The following OLFM3 variants were observed in gnomAD, a reference collection of about 807,000 sequenced individuals.
The protein encoded by OLFM3 is olfactomedin 3.
In OLFM3, 20 loss-of-function variants were observed where a neutral mutation model predicts 48.6. The ratio of observed to expected loss-of-function variants is 0.41; its 90% CI spans 0.29 to 0.60. The LOEUF is 0.60. Ranked by LOEUF, OLFM3 falls within the 20% of genes least tolerant of loss-of-function variation. The probability of loss-of-function intolerance (pLI) is 0.28; values close to 1 mark genes in which losing one functional copy is unlikely to be tolerated. For missense variants in OLFM3, 437 were observed against 544.3 expected (o/e 0.80, Z 1.96); for synonymous variants, 222 against 198.1 (o/e 1.12, Z -1.01).
chr1:101,808,394 G>T (rs966233573), intron 4 of OLFM3, among the ~76,000 whole-genome samples: 1 of 151,722 alleles, frequency 6.6e-6, no homozygotes, highest in East Asian at 1.9e-4. Context: ...ATGCATTTGT[G>T]TCTATGCAGA....
chr1:101,896,782 C>T (rs1034479431), intron 1 of OLFM3, among the ~76,000 whole-genome samples: 3 of 149,494 alleles, frequency 2.0e-5, no homozygotes, highest in Admixed American at 6.7e-5. Context: ...TTAACCCATA[C>T]AATATTTCCA....
At chr1:101,901,531 CAG>C (rs1410586384) in intron 1 of OLFM3, among the ~76,000 whole-genome samples, 2 of 151,956 alleles carry the variant, frequency 1.3e-5, no homozygotes, top group East Asian at 3.9e-4. Context: ...TTCAAGATGA[CAG>C]GGGACACTGT....
rs1297805089 is a variant in OLFM3 at position 101,915,376 on chromosome 1, C to G, written c.70-78351G>C. 4.6e-5 allele frequency among the ~76,000 whole-genome samples: 7 copies of G among 151,444 alleles called. No individual in the cohort carries two copies. The East Asian group carries it at 1.2e-3, about 25-fold the overall frequency. On this transcript the variant is annotated intron_variant, in intron 1 of 5. Transcript: ENST00000370103. ...GGATTTAATCTGTTAAAAAAAAAAG[C>G]ATGTTTAAAACAAGTAAAGGGCACC... is the stretch of plus-strand genomic sequence containing the variant.
intron 1 of OLFM3, chr1:101,837,885 CT>C (rs1163679191): frequency 6.6e-6 from 1 of 152,118 alleles, no homozygotes; most frequent in Non-Finnish European, 1.5e-5. Context: ...TTATTCAGCC[CT>C]TGTGATTTCT....
chr1:101,884,506 A>AC (rs989703875), intron 1 of OLFM3, among the ~76,000 whole-genome samples: 40 of 152,072 alleles, frequency 2.6e-4, no homozygotes, highest in Non-Finnish European at 5.4e-4. Flanking sequence ...AAACAAACAA[A>AC]AAAAAACAGA....
intron 1 of OLFM3, among the ~76,000 whole-genome samples, chr1:101,938,071 T>C (rs925719296): frequency 6.6e-6 from 1 of 152,212 alleles, no homozygotes. Flanking sequence ...TTGTGAGATA[T>C]AGCAAATTTA....
At chr1:101,895,282 T>C (rs755461485) in intron 1 of OLFM3, among the ~76,000 whole-genome samples, 7 of 152,028 alleles carry the variant, frequency 4.6e-5, no homozygotes, top group African/African-American at 7.2e-5. Context: ...TCTACTAGAA[T>C]CCCAAACCTC....
intron 1 of OLFM3, among the ~76,000 whole-genome samples, chr1:101,909,060 C>T (rs1301859767): frequency 3.3e-5 from 5 of 152,186 alleles, no homozygotes; most frequent in Admixed American, 3.3e-4. Flanking sequence ...CTTCACTTTG[C>T]TTACCTTCTT....
intron 1 of OLFM3, among the ~76,000 whole-genome samples, chr1:101,885,966 G>C (rs1172817261): frequency 1.3e-5 from 2 of 152,102 alleles, no homozygotes; most frequent in African/African-American, 4.8e-5. Context: ...CAAGGGTCCA[G>C]TGTACATGTA....
intron 1 of OLFM3, among the ~76,000 whole-genome samples, chr1:101,863,586 A>G (rs1194318730): frequency 2.0e-5 from 3 of 152,184 alleles, no homozygotes; most frequent in Non-Finnish European, 2.9e-5. Context: ...GAAACATTGT[A>G]GGTTTGTGTG....
intron 1 of OLFM3, chr1:101,910,047 A>G: frequency 1.0e-6 from 1 of 983,098 alleles, no homozygotes; most frequent in Non-Finnish European, 1.2e-6. Flanking sequence ...TTTCCCCTCC[A>G]TTCTCCTCCT....
At chr1:101,920,319 G>C (rs1659055130) in intron 1 of OLFM3, among the ~76,000 whole-genome samples, 1 of 152,076 alleles carries the variant, frequency 6.6e-6, no homozygotes, top group African/African-American at 2.4e-5. Context: ...CTGGTTTTCT[G>C]TTACCTACCT....
At chr1:101,955,921 C>T (rs913594237) in intron 1 of OLFM3, among the ~76,000 whole-genome samples, 1 of 151,726 alleles carries the variant, frequency 6.6e-6, no homozygotes, top group East Asian at 1.9e-4. Context: ...TTCTTGTATT[C>T]TTTACCTCAG....
chr1:101,900,975 T>C (rs1658369155), intron 1 of OLFM3, among the ~76,000 whole-genome samples: 1 of 152,142 alleles, frequency 6.6e-6, no homozygotes, highest in South Asian at 2.1e-4. Flanking sequence ...TATGATATTT[T>C]TGGATTCTCT....
At chr1:101,885,999 A>G (rs1657742249) in intron 1 of OLFM3, among the ~76,000 whole-genome samples, 1 of 152,146 alleles carries the variant, frequency 6.6e-6, no homozygotes, top group African/African-American at 2.4e-5. Flanking sequence ...ACAAAGGAAG[A>G]AGTGTGTAAA....
intron 1 of OLFM3, among the ~76,000 whole-genome samples, chr1:101,944,839 C>T (rs1659904803): frequency 6.6e-6 from 1 of 150,748 alleles, no homozygotes; most frequent in Non-Finnish European, 1.5e-5. Flanking sequence ...AAGATTGCCC[C>T]ACTGCACTCC....
rs56176512 is a variant in OLFM3 at position 101,950,973 on chromosome 1, T to C, written c.69+45775A>G. On this transcript the variant is annotated intron_variant, in intron 1 of 5. Transcript: ENST00000370103. ...CGATGTCCCAGTTTCTCTATTTGCC[T>C]AGCAAAAAAAGAAAGAAAATCTAAC... Among the ~76,000 whole-genome samples the C allele has an allele frequency of 9.6e-3, 1,466 of 152,246 alleles. 7 individuals carry two copies. The highest frequency in any genetic ancestry group is 0.022 in the South Asian group (108 of 4,828).
intron 1 of OLFM3, among the ~76,000 whole-genome samples, chr1:101,909,288 T>G (rs901707369): frequency 6.6e-6 from 1 of 152,228 alleles, no homozygotes; most frequent in African/African-American, 2.4e-5. Flanking sequence ...CCTGAATTCC[T>G]CAAGACATTC....
At chr1:101,986,309 C>G (rs1162680795) in intron 1 of OLFM3, among the ~76,000 whole-genome samples, 2 of 152,124 alleles carry the variant, frequency 1.3e-5, no homozygotes, top group East Asian at 3.9e-4. Context: ...TCAGGATGAC[C>G]TACCAAAAGT....
Sources: allele counts gnomAD v4.1 joint callset (sites outside exome capture counted in the v4.1 genomes callset), GRCh38; gene constraint gnomAD v4.1.1; transcripts MANE v1.5; gene names NCBI Gene and HGNC (gene_info 2026-07-23, HGNC 2026-07-21).